Variants in CHD1 observed in about 807,000 individuals in gnomAD.
The protein encoded by CHD1 is ATP-dependent chromatin remodeler CHD1.
CHD1 carries 36 observed loss-of-function variants against 224.2 expected under a neutral mutation model. That is an observed-to-expected ratio of 0.16 (90% CI 0.12 to 0.21). The LOEUF (loss-of-function observed/expected upper bound fraction) is 0.21, where lower values mean the gene tolerates loss of function less well. Ranked by LOEUF, CHD1 falls within the 10% of genes least tolerant of loss-of-function variation. CHD1 has a pLI of 1.00. For missense variants in CHD1, 1,378 were observed against 1,994.8 expected (o/e 0.69, Z 5.89); for synonymous variants, 668 against 658.3 (o/e 1.01, Z -0.23).
chr5:98,893,408 T>C lies in CHD1; in HGVS notation c.1991+8A>G, dbSNP rs371108398. 2.4e-5 allele frequency: 38 copies of C among 1,569,110 alleles called. No homozygotes were observed. Among genetic ancestry groups the C allele is most frequent in the Non-Finnish European group, 3.2e-5 (37 of 1,156,846 alleles). ...CACAATATGATTAAAATTGTAAAGT[T>C]GTCTTACTTTTCTGGCATAATGAAA... On this transcript the variant is annotated splice_region_variant and intron_variant, in intron 14 of 35. Transcript: ENST00000614616.
intron 31 of CHD1, among the ~76,000 whole-genome samples, chr5:98,867,484 T>A (rs1189737907): frequency 6.6e-6 from 1 of 152,182 alleles, no homozygotes; most frequent in African/African-American, 2.4e-5. Flanking sequence ...TTGTATTTTT[T>A]AAAAAATATA....
intron 10 of CHD1, among the ~76,000 whole-genome samples, chr5:98,898,024 G>A (rs1481639841): frequency 1.3e-5 from 2 of 149,020 alleles, no homozygotes; most frequent in Non-Finnish European, 3.0e-5. Flanking sequence ...ATACATTGAC[G>A]AAAACATCAT....
intron 2 of CHD1, among the ~76,000 whole-genome samples, chr5:98,920,712 G>A (rs572284929): frequency 6.6e-6 from 1 of 151,250 alleles, no homozygotes; most frequent in South Asian, 2.1e-4. Flanking sequence ...CAGGAGAATC[G>A]TTTGAACCCA....
rs1207696611 is a variant in CHD1 at position 98,871,230 on chromosome 5, T to TG, written c.3862-428dup. Among the ~76,000 whole-genome samples, 3 of 151,724 alleles carry TG rather than the reference T, an allele frequency of 2.0e-5. No individual in the cohort carries two copies. The East Asian group carries it at 5.8e-4, about 29-fold the overall frequency. On this transcript the variant is annotated intron_variant, in intron 28 of 35. Coordinates refer to ENST00000614616, the MANE Select transcript of CHD1 (RefSeq NM_001270.4). The stretch of plus-strand genomic sequence containing the variant: ...CTAGAAGAAGACCTAAAGCATACAC[T>TG]GGGAGGAAAGTTTTACAGGGGAATC...
chr5:98,856,303 C>A lies in CHD1; in HGVS notation c.*77G>T. On this transcript the variant is annotated 3_prime_UTR_variant, in exon 36 of 36. Coordinates refer to ENST00000614616, the MANE Select transcript of CHD1 (RefSeq NM_001270.4). ...GAAGATCTGTTTATATCTTTCAAGT[C>A]ATGTAAGGCAATTACTGTGTTGGTT... 9.7e-7 allele frequency: 1 copy of A among 1,026,814 alleles called. No homozygotes were observed. The highest frequency in any genetic ancestry group is 1.5e-5 in the South Asian group (1 of 67,386). 63.6% of individuals were successfully genotyped at this position (1,026,814 alleles called of 1,614,324 possible). A position where few individuals can be genotyped will look rare whatever the true frequency, so the allele number is the denominator to read the frequency against.
chr5:98,913,923 GT>G (rs34810798), intron 2 of CHD1, among the ~76,000 whole-genome samples: 25 of 150,446 alleles, frequency 1.7e-4, no homozygotes, highest in African/African-American at 5.4e-4. Context: ...GAGAGTAGTA[GT>G]TTTTTTTTTA....
Position 98,869,893 on chromosome 5 carries a change from T to G in CHD1, c.3979-11A>C. ...CCTCTTTGAACTTCCCTAAAAATCA[T>G]TATTTTAATTTTAACCAATTCTACA... On this transcript the variant is annotated splice_polypyrimidine_tract_variant and intron_variant, in intron 29 of 35. Coordinates refer to ENST00000614616, the MANE Select transcript of CHD1 (RefSeq NM_001270.4). 6.4e-7 allele frequency: 1 copy of G among 1,573,870 alleles called. No homozygotes were observed. The highest frequency in any genetic ancestry group is 8.7e-7 in the Non-Finnish European group (1 of 1,152,222).
At chr5:98,868,255 A>C (rs539333224) in intron 31 of CHD1, among the ~76,000 whole-genome samples, 45 of 146,160 alleles carry the variant, frequency 3.1e-4, no homozygotes, top group African/African-American at 1.0e-3. Flanking sequence ...TGAGCCCAGG[A>C]GGTTGAAGCC....
chr5:98,854,659 A>C lies in CHD1; in HGVS notation c.*1721T>G, dbSNP rs550773491. On this transcript the variant is annotated 3_prime_UTR_variant, in exon 36 of 36. Coordinates refer to ENST00000614616, the MANE Select transcript of CHD1 (RefSeq NM_001270.4). The stretch of plus-strand genomic sequence containing the variant: ...ATCAGAAAGAGAAATTACTGCAAAA[A>C]ACAAAACAAAAAGCAAAAAAACCCA... 1 of 152,244 alleles carries C rather than the reference A, an allele frequency of 6.6e-6. No individual in the cohort carries two copies. Among genetic ancestry groups the C allele is most frequent in the African/African-American group, 2.4e-5 (1 of 41,576 alleles). 9.4% of individuals were successfully genotyped at this position (152,244 alleles called of 1,614,324 possible).
intron 31 of CHD1, among the ~76,000 whole-genome samples, chr5:98,864,272 A>G (rs1748689075): frequency 6.6e-6 from 1 of 152,180 alleles, no homozygotes; most frequent in Non-Finnish European, 1.5e-5. Context: ...TGTAAATGCA[A>G]AAACAAATAA....
chr5:98,908,718 A>G (rs1476413039), intron 2 of CHD1, among the ~76,000 whole-genome samples: 1 of 152,152 alleles, frequency 6.6e-6, no homozygotes, highest in East Asian at 1.9e-4. Context: ...AAAGTGTATT[A>G]AATCTCACCA....
At chr5:98,884,078 G>GT (rs201222124) in intron 18 of CHD1, among the ~76,000 whole-genome samples, 3,448 of 130,914 alleles carry the variant, frequency 0.026, 111 homozygotes, top group African/African-American at 0.07. Context: ...TTTGTTTTTT[G>GT]TTTTTTTTTT....
intron 18 of CHD1, 44 bp downstream of exon 18, chr5:98,885,534 A>T: frequency 8.6e-7 from 1 of 1,164,952 alleles, no homozygotes; most frequent in South Asian, 1.3e-5. Flanking sequence ...ATATACTGAT[A>T]CTAAATCAAA....
At chr5:98,903,964 A>G (rs1043416915) in intron 3 of CHD1, 56 bp from the exon 4 acceptor site, 3 of 1,103,180 alleles carry the variant, frequency 2.7e-6, no homozygotes, top group African/African-American at 1.6e-5. Flanking sequence ...CTGCAAAAAA[A>G]GGTTAATTTA....
chr5:98,894,397 T>C (rs923274230), intron 13 of CHD1, among the ~76,000 whole-genome samples, 200 bp downstream of exon 13: 1 of 152,200 alleles, frequency 6.6e-6, no homozygotes. Flanking sequence ...CTCTGTTACA[T>C]ATTCTTTCTA....
intron 32 of CHD1, among the ~76,000 whole-genome samples, chr5:98,861,668 C>CT (rs758149488): frequency 0.019 from 2,658 of 139,942 alleles, 57 homozygotes; most frequent in African/African-American, 0.057. Context: ...TGCCCGACTA[C>CT]TTTTTTTTTT....
At chr5:98,872,929 C>T (rs1476341001) in intron 26 of CHD1, among the ~76,000 whole-genome samples, 1 of 152,022 alleles carries the variant, frequency 6.6e-6, no homozygotes, top group African/African-American at 2.4e-5. Flanking sequence ...CTCAAGCAAC[C>T]CTCCCACCTC....
intron 12 of CHD1, among the ~76,000 whole-genome samples, chr5:98,895,895 A>C (rs1206708819): frequency 2.0e-5 from 3 of 152,110 alleles, no homozygotes; most frequent in Non-Finnish European, 4.4e-5. Context: ...TATACAGACC[A>C]AAACAAAACA....
intron 1 of CHD1, among the ~76,000 whole-genome samples, 176 bp from the exon 2 acceptor site, chr5:98,926,710 C>T (rs994944503): frequency 2.0e-5 from 3 of 152,158 alleles, no homozygotes; most frequent in African/African-American, 7.2e-5. Context: ...ACACTCCTGA[C>T]TGCTAACTAG....
Sources: gnomAD v4.1 joint callset for allele counts (sites outside exome capture counted in the v4.1 genomes callset) on GRCh38, gnomAD v4.1.1 for gene constraint, MANE v1.5 for transcripts, NCBI Gene and HGNC (gene_info 2026-07-23, HGNC 2026-07-21) for gene names.